The following WNK3 variants were observed in gnomAD, a reference collection of about 807,000 sequenced individuals.
The protein encoded by WNK3 is serine/threonine-protein kinase WNK3.
In WNK3, 18 loss-of-function variants were observed where a neutral mutation model predicts 116.7. The observed-to-expected ratio is 0.15, with a 90% CI of 0.11 to 0.23. The LOEUF is 0.23. WNK3 is among the 10% of genes least tolerant of loss of function. The probability of loss-of-function intolerance (pLI) is 1.00; values close to 1 mark genes in which losing one functional copy is unlikely to be tolerated. For missense variants in WNK3, 993 were observed against 1,323.8 expected, an observed-to-expected ratio of 0.75 and a Z score of 3.88; for synonymous variants, 404 against 469.4, an observed-to-expected ratio of 0.86 and a Z score of 1.80.
chrX:54,285,351 G>A (rs1339753565), intron 10 of WNK3, among the ~76,000 whole-genome samples: 1 of 112,062 alleles, frequency 8.9e-6, no homozygotes, highest in Non-Finnish European at 1.9e-5. Context: ...GGGCTGCAGT[G>A]AGCTGTGTTT....
exon 24 of WNK3, chrX:54,196,185 C>T: frequency 9.0e-6 from 1 of 110,728 alleles, no homozygotes; most frequent in African/African-American, 3.3e-5. Context: ...ACACTAATGT[C>T]CTAAAATCAC....
intron 12 of WNK3, among the ~76,000 whole-genome samples, chrX:54,255,487 A>G (rs1162327038): frequency 8.9e-6 from 1 of 112,154 alleles, no homozygotes; most frequent in Non-Finnish European, 1.9e-5. Context: ...CAGGAAAAGG[A>G]GAGAAAAACA....
intron 22 of WNK3, among the ~76,000 whole-genome samples, chrX:54,211,656 T>C (rs2067615084): frequency 9.2e-6 from 1 of 108,922 alleles, no homozygotes; most frequent in South Asian, 4.0e-4. Flanking sequence ...ATACAAAAAT[T>C]AGCCGGGCGT....
At chrX:54,259,115 A>C (rs1557156152) in intron 11 of WNK3, among the ~76,000 whole-genome samples, 159 bp downstream of exon 11, 1 of 101,767 alleles carries the variant, frequency 9.8e-6, no homozygotes, top group Non-Finnish European at 1.9e-5. Context: ...CTGACATAAA[A>C]AAGCAAAAAA....
At chrX:54,319,676 A>T (rs1569538877) in intron 2 of WNK3, among the ~76,000 whole-genome samples, 2 of 111,924 alleles carry the variant, frequency 1.8e-5, no homozygotes, top group Non-Finnish European at 3.8e-5. Flanking sequence ...GATCTTCAAA[A>T]CTCCACTTCA....
intron 2 of WNK3, among the ~76,000 whole-genome samples, chrX:54,331,278 A>AAAAT (rs1469479954): frequency 9.3e-6 from 1 of 107,847 alleles, no homozygotes; most frequent in Non-Finnish European, 1.9e-5. Flanking sequence ...TACACTAACA[A>AAAAT]AAATAAATAA....
chrX:54,212,255 A>G (rs2067624588), intron 22 of WNK3, among the ~76,000 whole-genome samples: 1 of 112,080 alleles, frequency 8.9e-6, no homozygotes, highest in Non-Finnish European at 1.9e-5. Flanking sequence ...AAAATATAAT[A>G]TATCAAAACC....
At chrX:54,295,747 G>A (rs1557166201) in intron 7 of WNK3, among the ~76,000 whole-genome samples, 1 of 105,046 alleles carries the variant, frequency 9.5e-6, no homozygotes, top group Non-Finnish European at 1.9e-5. Context: ...GAATGCAGTG[G>A]TACAATGATA....
Position 54,220,936 on chromosome X carries a change from G to A in WNK3, c.4870+7778C>T, listed in dbSNP as rs181171457. Among the ~76,000 whole-genome samples, 366 of 111,316 alleles carry A rather than the reference G, an allele frequency of 3.3e-3. 1 individual carries two copies. The highest frequency in any genetic ancestry group is 0.019 in the Middle Eastern group (4 of 216). On this transcript the variant is annotated intron_variant, in intron 22 of 23. Transcript: ENST00000354646. ...CTGTGAGCTGGAAGCTGTCACAGCA[G>A]TGACACACTTGAATTGGAAATCACC...
intron 10 of WNK3, among the ~76,000 whole-genome samples, chrX:54,271,728 G>A (rs1345608788): frequency 1.8e-5 from 2 of 111,695 alleles, no homozygotes; most frequent in Non-Finnish European, 3.8e-5. Flanking sequence ...ATGGTAATCC[G>A]CAAATAATCA....
At position 54,304,666 on chromosome X, in the gene WNK3, G is replaced by A. The variant is rs73210496; in HGVS notation, c.1090-2807C>T. On this transcript the variant is annotated intron_variant, in intron 5 of 23. Transcript: ENST00000354646. ...ATTGTCTAAATGATGTCTTTTTACAGTTGGTTTGTTCAAATCAGGATCCAA... is the reference window on the plus strand; with the variant it reads ...ATTGTCTAAATGATGTCTTTTTACAATTGGTTTGTTCAAATCAGGATCCAA... Among the ~76,000 whole-genome samples, 646 of 111,306 alleles carry A rather than the reference G, an allele frequency of 5.8e-3. 1 individual carries two copies. The highest frequency in any genetic ancestry group is 0.01 in the Non-Finnish European group (541 of 53,098).
At chrX:54,239,056 T>C (rs2067993876) in exon 18 of WNK3, 1 of 1,201,368 alleles carries the variant, frequency 8.3e-7, no homozygotes, top group African/African-American at 1.8e-5. Flanking sequence ...AGCAGCAGGA[T>C]AGGCCTCTGG....
chrX:54,269,056 A>G (rs999630698), intron 10 of WNK3, among the ~76,000 whole-genome samples: 4 of 111,268 alleles, frequency 3.6e-5, no homozygotes, highest in African/African-American at 1.3e-4. Context: ...ATTATGATGC[A>G]CTGATAAGAA....
chrX:54,317,959 T>G lies in WNK3; in HGVS notation c.538-6668A>C, dbSNP rs990675421. On this transcript the variant is annotated intron_variant, in intron 2 of 23. Transcript: ENST00000354646. ...GGGAAGTTAAATTGTTTAATGAGTA[T>G]AGAGTTTCTATTTGGAATGATAAAA... Among the ~76,000 whole-genome samples the G allele has an allele frequency of 2.7e-5, 3 of 110,368 alleles. No homozygotes were observed. The Admixed American group carries it at 2.9e-4, about 11-fold the overall frequency.
chrX:54,310,469 C>T (rs1282647909), intron 3 of WNK3, among the ~76,000 whole-genome samples: 3 of 110,125 alleles, frequency 2.7e-5, no homozygotes, highest in Admixed American at 2.0e-4. Context: ...GTCACTTGAG[C>T]CCAAGGAGGT....
At chrX:54,348,972 G>A (rs2069475872) in intron 1 of WNK3, among the ~76,000 whole-genome samples, 1 of 112,010 alleles carries the variant, frequency 8.9e-6, no homozygotes, top group African/African-American at 3.2e-5. Context: ...TCAGCAAACA[G>A]GCCAAAGACA....
At chrX:54,204,726 G>A (rs1370211130) in intron 22 of WNK3, among the ~76,000 whole-genome samples, 3 of 112,187 alleles carry the variant, frequency 2.7e-5, no homozygotes, top group Non-Finnish European at 3.8e-5. Flanking sequence ...TAGAGCCTAA[G>A]CTTTTATAGA....
rs1484710273 is a variant in WNK3, at chrX:54,326,779, G to T, written c.537+6358C>A. 1.3e-4 allele frequency among the ~76,000 whole-genome samples: 14 copies of T among 111,549 alleles called. 1 individual carries two copies. The highest frequency in any genetic ancestry group is 4.6e-4 in the African/African-American group (14 of 30,769). ...GCAGGCAGATCACTTGAGGTCAGGA[G>T]ATCGAGACCATCCTGGCTAACACAG... On this transcript the variant is annotated intron_variant, in intron 2 of 23. Transcript: ENST00000354646.
intron 2 of WNK3, among the ~76,000 whole-genome samples, chrX:54,325,264 C>T (rs2069085311): frequency 9.0e-6 from 1 of 111,228 alleles, no homozygotes; most frequent in African/African-American, 3.3e-5. Flanking sequence ...CTGTTACCCT[C>T]CAAAGTACAC....
Sources: gnomAD v4.1 joint callset for allele counts (sites outside exome capture counted in the v4.1 genomes callset) on GRCh38, gnomAD v4.1.1 for gene constraint, MANE v1.5 for transcripts, NCBI Gene and HGNC (gene_info 2026-07-23, HGNC 2026-07-21) for gene names.